Variants in TSPAN16 observed in about 807,000 individuals in gnomAD.
TSPAN16 encodes tetraspanin 16.
TSPAN16 carries 23 observed loss-of-function variants against 25.2 expected under a neutral mutation model. That is an observed-to-expected ratio of 0.91 (90% CI 0.66 to 1.29). The LOEUF is 1.29. TSPAN16 is among the 50% of genes most tolerant of loss of function. The pLI, the probability that TSPAN16 is intolerant of heterozygous loss-of-function variation, is 0.00. For missense variants in TSPAN16, 272 were observed against 299.9 expected (o/e 0.91, Z 0.69); for synonymous variants, 123 against 124.4 (o/e 0.99, Z 0.08).
intron 6 of TSPAN16, among the ~76,000 whole-genome samples, chr19:11,315,102 G>A (rs1432315059): frequency 2.6e-5 from 4 of 151,776 alleles, no homozygotes; most frequent in Admixed American, 2.6e-4. Context: ...CGGGCGTGGT[G>A]CTGGGCGCCT....
chr19:11,302,678 T>TACACATACATATATATATATATATAC (rs2080574104), intron 4 of TSPAN16, among the ~76,000 whole-genome samples: 1 of 126,560 alleles, frequency 7.9e-6, no homozygotes, highest in East Asian at 2.1e-4. Flanking sequence ...TATATATATA[T>TACACATACATATATATATATATATAC]ACACACACAC....
intron 4 of TSPAN16, 40 bp downstream of exon 4, chr19:11,301,348 T>A: frequency 6.5e-7 from 1 of 1,527,282 alleles, no homozygotes; most frequent in Non-Finnish European, 9.1e-7. Flanking sequence ...GGTGTAAAGG[T>A]ACACAACATG....
At chr19:11,297,097 T>C (rs1002282541) in intron 1 of TSPAN16, among the ~76,000 whole-genome samples, 5 of 152,004 alleles carry the variant, frequency 3.3e-5, no homozygotes, top group African/African-American at 1.2e-4. Context: ...CATTGTAGCA[T>C]AGTCTAAGGA....
At chr19:11,325,421 G>T (rs751532964) in intron 6 of TSPAN16, 18 of 1,568,338 alleles carry the variant, frequency 1.1e-5, no homozygotes, top group Non-Finnish European at 1.4e-5. Flanking sequence ...CTGCTGGGCT[G>T]GGGGGCTGGA....
chr19:11,304,775 C>T (rs552244684), intron 4 of TSPAN16, among the ~76,000 whole-genome samples: 3 of 152,024 alleles, frequency 2.0e-5, no homozygotes, highest in South Asian at 2.1e-4. Flanking sequence ...CTGTCCGCCT[C>T]GGCCTCCCAA....
At chr19:11,320,165 A>T (rs2080770074), downstream of TSPAN16, among the ~76,000 whole-genome samples, 3 of 131,284 alleles carry the variant, frequency 2.3e-5, no homozygotes, top group South Asian at 6.8e-4. Context: ...CTTGTCATCC[A>T]GGCTGGAGTG....
intron 5 of TSPAN16, chr19:11,307,851 C>T (rs2080646407): frequency 6.6e-6 from 1 of 152,208 alleles, no homozygotes; most frequent in Non-Finnish European, 1.5e-5. Flanking sequence ...CTTACGGTTA[C>T]CTTCTCTCAG....
chr19:11,325,308 C>T (rs1467082138), intron 6 of TSPAN16: 15 of 823,118 alleles, frequency 1.8e-5, no homozygotes, highest in Non-Finnish European at 2.7e-5. Context: ...AGGGATTGCC[C>T]TGAGCTTGGA....
downstream of TSPAN16, among the ~76,000 whole-genome samples, chr19:11,316,800 AC>A (rs1295200109): frequency 1.0e-4 from 12 of 119,674 alleles, no homozygotes; most frequent in Admixed American, 2.7e-4. Context: ...ACATAGCAAG[AC>A]CCCCCCCGCC....
In TSPAN16 at chr19:11,298,948, T is replaced by C. The variant is rs1304674044; in HGVS notation, c.342+2T>C. ...GTGGTCCTTCTTTTCTTTCCAATTG[T>C]AAGTACAGCCCTGCTCCTCCCACAT... On this transcript the variant is annotated splice_donor_variant, in intron 3 of 6. Transcript: ENST00000590327. LOFTEE classifies it high-confidence loss of function. 6.2e-7 allele frequency: 1 copy of C among 1,613,634 alleles called. No individual in the cohort carries two copies. Among genetic ancestry groups the C allele is most frequent in the Non-Finnish European group, 8.5e-7 (1 of 1,179,666 alleles).
intron 6 of TSPAN16, chr19:11,321,929 A>G (rs900123310): frequency 2.0e-5 from 3 of 152,128 alleles, no homozygotes; most frequent in Non-Finnish European, 4.4e-5. Context: ...TGGCCATGGG[A>G]CCCAGTGGGA....
intron 6 of TSPAN16, among the ~76,000 whole-genome samples, chr19:11,314,257 G>A (rs991641996): frequency 6.6e-6 from 1 of 152,156 alleles, no homozygotes; most frequent in East Asian, 1.9e-4. Flanking sequence ...ATGTTCTTAA[G>A]TTATATAGTA....
chr19:11,298,471 G>T, intron 2 of TSPAN16, 132 bp downstream of exon 2: 1 of 842,426 alleles, frequency 1.2e-6, no homozygotes, highest in East Asian at 2.7e-5. Context: ...GTTTCACTCT[G>T]TCGCCCAGGC....
intron 6 of TSPAN16, chr19:11,326,765 G>T: frequency 1.4e-6 from 1 of 696,294 alleles, no homozygotes; most frequent in South Asian, 1.5e-5. Flanking sequence ...CACCATGCCC[G>T]GCTAATTTTT....
At chr19:11,317,484 TTTTTTTCTTTTTTC>T (rs757761727), downstream of TSPAN16, among the ~76,000 whole-genome samples, 1 of 151,942 alleles carries the variant, frequency 6.6e-6, no homozygotes, top group African/African-American at 2.4e-5. Context: ...CCCAGCTAAT[TTTTTTTCTTTTTTC>T]TTTTTTCTTT....
chr19:11,319,569 G>C (rs1437009483), downstream of TSPAN16, among the ~76,000 whole-genome samples: 1 of 151,912 alleles, frequency 6.6e-6, no homozygotes, highest in Non-Finnish European at 1.5e-5. Context: ...CTGCACTCCA[G>C]CCTGGGCGAC....
intron 3 of TSPAN16, 56 bp downstream of exon 3, chr19:11,299,002 G>A (rs1599326258): frequency 5.1e-6 from 8 of 1,562,952 alleles, no homozygotes; most frequent in South Asian, 4.4e-5. Context: ...AACCAAGGAC[G>A]GGCACAGTGG....
rs1225248991 is a variant in TSPAN16 at position 11,298,964 on chromosome 19, C to T, written c.342+18C>T. On this transcript the variant is annotated intron_variant, in intron 3 of 6. Transcript: ENST00000590327. ...TTCCAATTGTAAGTACAGCCCTGCT[C>T]CTCCCACATAGCATTAGAAAGATAA... 2.5e-6 allele frequency: 4 copies of T among 1,611,214 alleles called. No homozygotes were observed. Among genetic ancestry groups the T allele is most frequent in the Admixed American group, 1.7e-5 (1 of 59,956 alleles).
chr19:11,312,337 AAAG>A (rs2080702059), intron 6 of TSPAN16, 115 bp downstream of exon 6: 3 of 544,964 alleles, frequency 5.5e-6, no homozygotes, highest in East Asian at 6.2e-5. Flanking sequence ...AAAAAAAAAA[AAAG>A]AAACTCAACA....
Sources: allele counts gnomAD v4.1 joint callset (sites outside exome capture counted in the v4.1 genomes callset), GRCh38; gene constraint gnomAD v4.1.1; transcripts MANE v1.5; gene names NCBI Gene and HGNC (gene_info 2026-07-23, HGNC 2026-07-21).